The following SLC38A1 variants were observed in gnomAD, a reference collection of about 807,000 sequenced individuals.
The protein encoded by SLC38A1 is sodium-coupled neutral amino acid symporter 1.
A neutral mutation model predicts 60.3 loss-of-function variants in SLC38A1; 18 were observed. The ratio of observed to expected loss-of-function variants is 0.30; its 90% CI spans 0.21 to 0.44. The LOEUF (loss-of-function observed/expected upper bound fraction) is 0.44, where lower values mean the gene tolerates loss of function less well. Ranked by LOEUF, SLC38A1 falls within the 20% of genes least tolerant of loss-of-function variation. The probability of loss-of-function intolerance (pLI) is 1.00; values close to 1 mark genes in which losing one functional copy is unlikely to be tolerated. For synonymous variants in SLC38A1, 196 were observed against 212.1 expected (o/e 0.92, Z 0.66); for missense variants, 448 against 587.2 (o/e 0.76, Z 2.45).
intron 3 of SLC38A1, among the ~76,000 whole-genome samples, chr12:46,237,403 T>C (rs921577850): frequency 3.4e-5 from 5 of 148,796 alleles, no homozygotes; most frequent in Non-Finnish European, 2.9e-5. Context: ...AGCTTCATGC[T>C]ATAACATGTT....
At chr12:46,207,431 T>C (rs1939957403) in intron 7 of SLC38A1, 98 bp downstream of exon 7, 2 of 1,229,382 alleles carry the variant, frequency 1.6e-6, no homozygotes, top group Non-Finnish European at 2.4e-6. Context: ...ATTTTAGCAA[T>C]GAGGATGATA....
intron 5 of SLC38A1, among the ~76,000 whole-genome samples, chr12:46,221,245 A>G (rs773530829): frequency 2.6e-5 from 4 of 152,200 alleles, no homozygotes; most frequent in Non-Finnish European, 5.9e-5. Flanking sequence ...TTCACCTACA[A>G]TTAAGTGAAC....
intron 1 of SLC38A1, among the ~76,000 whole-genome samples, chr12:46,258,052 T>A (rs1942087282): frequency 6.6e-6 from 1 of 152,246 alleles, no homozygotes. Flanking sequence ...CATATAGGGT[T>A]CCTGACATTG....
At chr12:46,264,001 C>T (rs1942278723) in intron 1 of SLC38A1, among the ~76,000 whole-genome samples, 1 of 152,220 alleles carries the variant, frequency 6.6e-6, no homozygotes, top group South Asian at 2.1e-4. Context: ...AAAATCACCC[C>T]TGATATTTTC....
At chr12:46,192,258 C>A (rs1293136527) in intron 16 of SLC38A1, among the ~76,000 whole-genome samples, 1 of 152,208 alleles carries the variant, frequency 6.6e-6, no homozygotes, top group Non-Finnish European at 1.5e-5. Context: ...TATGTTGAAG[C>A]AGCCTTGCAT....
chr12:46,246,360 C>T lies in SLC38A1; in HGVS notation c.-208-3046G>A, dbSNP rs146868669. 8.8e-4 allele frequency among the ~76,000 whole-genome samples: 134 copies of T among 152,372 alleles called. 3 individuals are homozygous for T. In the East Asian group the frequency reaches 0.024, roughly 28 times the overall value. ...CAGCAAACCAGGAGATTGTATCCTG[C>T]GCCTGGATCGGCAGGTCCCATGCCC... On this transcript the variant is annotated intron_variant, in intron 1 of 16. Transcript: ENST00000398637.
rs1939680980 is a variant in SLC38A1, at chr12:46,201,980, CTCAGGAGT to C, written c.903-790_903-783del. ...GGCTGAGGCAGGCAGATCACCTGAG[CTCAGGAGT>C]TCAAGACCAGCCTGGGCAACATGGT... is the stretch of plus-strand genomic sequence containing the variant. On this transcript the variant is annotated intron_variant, in intron 12 of 16. Transcript: ENST00000398637. Among the ~76,000 whole-genome samples, 3 of 151,354 alleles carry C rather than the reference CTCAGGAGT, an allele frequency of 2.0e-5. No homozygotes were observed. In the South Asian group the frequency reaches 6.3e-4, roughly 32 times the overall value.
intron 2 of SLC38A1, among the ~76,000 whole-genome samples, chr12:46,241,379 A>G (rs966290377): frequency 6.6e-6 from 1 of 152,184 alleles, no homozygotes; most frequent in South Asian, 2.1e-4. Context: ...TCCTCTTTCC[A>G]CAGCCAGGCC....
At chr12:46,220,695 T>G (rs1940624137) in intron 5 of SLC38A1, among the ~76,000 whole-genome samples, 1 of 152,212 alleles carries the variant, frequency 6.6e-6, no homozygotes, top group African/African-American at 2.4e-5. Flanking sequence ...ATTCAACCTT[T>G]TTGGCATATA....
intron 16 of SLC38A1, 187 bp downstream of exon 16, chr12:46,197,533 A>G: frequency 4.0e-6 from 2 of 503,590 alleles, no homozygotes; most frequent in Non-Finnish European, 3.5e-6. Flanking sequence ...ACCAGAAAAG[A>G]TATTTGGAGG....
At chr12:46,212,855 G>A (rs1278981792) in intron 5 of SLC38A1, among the ~76,000 whole-genome samples, 2 of 152,142 alleles carry the variant, frequency 1.3e-5, no homozygotes, top group African/African-American at 4.8e-5. Context: ...AAAGTTCTGT[G>A]CTTGGAACTG....
chr12:46,194,097 C>T (rs1027369120), intron 16 of SLC38A1, among the ~76,000 whole-genome samples: 27 of 152,184 alleles, frequency 1.8e-4, no homozygotes, highest in Non-Finnish European at 2.9e-5. Flanking sequence ...ATGTTTAGTG[C>T]TTCCTTCAGG....
At chr12:46,250,240 A>C (rs955473268) in intron 1 of SLC38A1, among the ~76,000 whole-genome samples, 4 of 151,838 alleles carry the variant, frequency 2.6e-5, no homozygotes, top group East Asian at 1.9e-4. Context: ...CAAAAACCAC[A>C]TGATTATCTC....
chr12:46,232,556 G>A (rs1941116003), intron 3 of SLC38A1, among the ~76,000 whole-genome samples: 1 of 152,244 alleles, frequency 6.6e-6, no homozygotes, highest in African/African-American at 2.4e-5. Context: ...GCTGCAGAAT[G>A]GCAGGGGAAA....
At chr12:46,229,398 T>C in intron 4 of SLC38A1, 130 bp from the exon 5 acceptor site, 1 of 803,934 alleles carries the variant, frequency 1.2e-6, no homozygotes, top group Non-Finnish European at 2.0e-6. Flanking sequence ...CTTAGTTATC[T>C]AGTTATTTCC....
rs1445947772 is a variant in SLC38A1, at chr12:46,184,384, G to A, written c.*4586C>T. 1 of 152,148 alleles carries A rather than the reference G, an allele frequency of 6.6e-6. No individual in the cohort carries two copies. The highest frequency in any genetic ancestry group is 1.5e-5 in the Non-Finnish European group (1 of 68,016). 9.4% of individuals were successfully genotyped at this position (152,148 alleles called of 1,614,324 possible). The stretch of plus-strand genomic sequence containing the variant: ...TGATGGTCTGTATATTCTTTGTTTT[G>A]AAGGTGGCTAGATGTTTGCTGTAAA... On this transcript the variant is annotated 3_prime_UTR_variant, in exon 17 of 17. Coordinates refer to ENST00000398637, the MANE Select transcript of SLC38A1 (RefSeq NM_030674.4).
intron 3 of SLC38A1, among the ~76,000 whole-genome samples, chr12:46,234,427 TTTCTTTTTTTCTTTCTTTC>T (rs1207497800): frequency 2.0e-5 from 3 of 151,128 alleles, no homozygotes; most frequent in Non-Finnish European, 4.4e-5. Context: ...TTGCTTTGTA[TTTCTTTTTTTCTTTCTTTC>T]TTTTTTTTTT....
At chr12:46,189,828 C>T (rs1224884074) in intron 16 of SLC38A1, among the ~76,000 whole-genome samples, 5 of 152,158 alleles carry the variant, frequency 3.3e-5, no homozygotes, top group Non-Finnish European at 5.9e-5. Flanking sequence ...CCATGTAAGA[C>T]GTGACTTTGC....
At chr12:46,242,643 A>G (rs1941483916) in intron 2 of SLC38A1, among the ~76,000 whole-genome samples, 1 of 152,156 alleles carries the variant, frequency 6.6e-6, no homozygotes, top group Non-Finnish European at 1.5e-5. Flanking sequence ...ACAAAAAATC[A>G]AAACAAAACA....
Sources: gnomAD v4.1 joint callset for allele counts (sites outside exome capture counted in the v4.1 genomes callset) on GRCh38, gnomAD v4.1.1 for gene constraint, MANE v1.5 for transcripts, NCBI Gene and HGNC (gene_info 2026-07-23, HGNC 2026-07-21) for gene names.